Variants in BET1 observed in about 807,000 individuals in gnomAD.
BET1 encodes the protein Bet1 golgi vesicular membrane trafficking protein, also known as BET1 homolog.
In BET1, 9 loss-of-function variants were observed where a neutral mutation model predicts 13.9. The observed-to-expected ratio is 0.65, with a 90% CI of 0.39 to 1.13. BET1 has a LOEUF of 1.13. Among genes scored for constraint, BET1 ranks in the 50% most tolerant of loss-of-function variants. The pLI, the probability that BET1 is intolerant of heterozygous loss-of-function variation, is 0.01. For synonymous variants in BET1, 39 were observed against 47.3 expected, an observed-to-expected ratio of 0.82 and a Z score of 0.72; for missense variants, 127 against 133.6, an observed-to-expected ratio of 0.95 and a Z score of 0.24.
In BET1 at chr7:93,968,855, T is replaced by C. The variant is rs573614700; in HGVS notation, c.*138-3168A>G. On this transcript the variant is annotated intron_variant and NMD_transcript_variant, in intron 6 of 6. Transcript: ENST00000357520. The stretch of plus-strand genomic sequence containing the variant: ...AAAGAAGGTGGAGATGAGTACAATA[T>C]AGACAAATGTAATTGAAGAAGTTTT... Among the ~76,000 whole-genome samples the C allele has an allele frequency of 1.9e-4, 29 of 151,916 alleles. No individual in the cohort carries two copies. The South Asian group carries it at 4.8e-3, about 25-fold the overall frequency.
In BET1 at chr7:93,999,190, T is replaced by C. The variant is rs759213626; in HGVS notation, c.124A>G (p.Lys42Glu). ...CTTACAGATTTTATAGCAGTTACTT[T>C]GCTTCTCAGACTTTCAGTGAGCCTC... Reference protein sequence around the residue: ...NERLTESLRSKVTAIKSLSIE... With the variant: ...NERLTESLRSEVTAIKSLSIE... Residue 42 changes from lysine (K) to glutamate (E), a missense_variant, in exon 2 of 4, where the codon AAA becomes GAA. By Grantham distance (56) the Lys-to-Glu change is moderately conservative. Coordinates refer to ENST00000222547, the MANE Select transcript of BET1 (RefSeq NM_005868.6). The C allele has an allele frequency of 1.9e-6, 3 of 1,612,786 alleles. No individual in the cohort carries two copies. The highest frequency in any genetic ancestry group is 1.7e-5 in the Admixed American group (1 of 59,978).
At chr7:93,967,971 T>C (rs1002587370) in intron 6 of BET1, among the ~76,000 whole-genome samples, 1 of 151,852 alleles carries the variant, frequency 6.6e-6, no homozygotes, top group Admixed American at 6.6e-5. Context: ...ATCAATTGTT[T>C]GCTTCATGTG....
chr7:93,998,652 C>G (rs1471179158), intron 2 of BET1, among the ~76,000 whole-genome samples: 1 of 151,698 alleles, frequency 6.6e-6, no homozygotes, highest in African/African-American at 2.4e-5. Flanking sequence ...TGAGCCAAAA[C>G]TGCACCATTG....
chr7:93,965,217 T>C lies in BET1; in HGVS notation c.*608A>G, dbSNP rs546031983. On this transcript the variant is annotated 3_prime_UTR_variant and NMD_transcript_variant, in exon 7 of 7. Transcript: ENST00000357520. ...CTTTGAGGAATTACAGACTTGAAGA[T>C]GAAGATTCTGTAGTGTGTGAAGCAT... The C allele has an allele frequency of 7.2e-5, 11 of 152,202 alleles. No homozygotes were observed. The South Asian group carries it at 2.3e-3, about 32-fold the overall frequency. 9.4% of individuals were successfully genotyped at this position (152,202 alleles called of 1,614,324 possible). A position where few individuals can be genotyped will look rare whatever the true frequency, so the allele number is the denominator to read the frequency against.
chr7:93,995,423 T>C (rs1562807071), intron 3 of BET1, among the ~76,000 whole-genome samples: 1 of 152,244 alleles, frequency 6.6e-6, no homozygotes, highest in Non-Finnish European at 1.5e-5. Context: ...TAGCTCAGTG[T>C]CTATGTGGCT....
intron 4 of BET1, among the ~76,000 whole-genome samples, chr7:93,981,498 G>A (rs1404488990): frequency 6.6e-6 from 1 of 152,108 alleles, no homozygotes; most frequent in African/African-American, 2.4e-5. Flanking sequence ...AAAGCTTATT[G>A]GGAAGTAAAT....
downstream of BET1, among the ~76,000 whole-genome samples, chr7:93,988,990 AAAAT>A (rs1185013759): frequency 8.1e-5 from 12 of 148,160 alleles, no homozygotes; most frequent in Admixed American, 8.1e-4. Context: ...ATAAATATAT[AAAAT>A]ATATATATAT....
intron 6 of BET1, among the ~76,000 whole-genome samples, chr7:93,967,414 T>C (rs1475978349): frequency 6.6e-6 from 1 of 151,818 alleles, no homozygotes; most frequent in Non-Finnish European, 1.5e-5. Flanking sequence ...AAATCCTTAA[T>C]ATAGGGCCAT....
At chr7:93,992,327 A>C, downstream of BET1, 1 of 985,308 alleles carries the variant, frequency 1.0e-6, no homozygotes, top group Non-Finnish European at 1.2e-6. Context: ...TATTTTACAA[A>C]GTACTTTCAT....
downstream of BET1, among the ~76,000 whole-genome samples, chr7:93,990,591 G>A (rs535075679): frequency 3.6e-4 from 55 of 152,110 alleles, no homozygotes; most frequent in African/African-American, 1.2e-3. Flanking sequence ...CAAAATCATC[G>A]ATCTTTGAGA....
intron 2 of BET1, 50 bp downstream of exon 2, chr7:93,999,120 G>T: frequency 7.4e-7 from 1 of 1,344,652 alleles, no homozygotes; most frequent in Non-Finnish European, 1.0e-6. Flanking sequence ...ATAATTATAT[G>T]TATAGAAATA....
At chr7:93,982,207 G>C (rs915730122) in intron 4 of BET1, among the ~76,000 whole-genome samples, 1 of 151,998 alleles carries the variant, frequency 6.6e-6, no homozygotes, top group African/African-American at 2.4e-5. Flanking sequence ...ATGGCACACT[G>C]CTTGAAATAT....
chr7:93,997,497 G>A (rs1795798350), intron 2 of BET1, among the ~76,000 whole-genome samples: 1 of 152,124 alleles, frequency 6.6e-6, no homozygotes, highest in Non-Finnish European at 1.5e-5. Flanking sequence ...CCTTCCAAGT[G>A]TTGTATTTTT....
intron 6 of BET1, chr7:93,968,230 G>A (rs761813829): frequency 5.3e-5 from 8 of 151,640 alleles, no homozygotes; most frequent in Admixed American, 4.0e-4. Context: ...TTGCAATAGC[G>A]TTGGCATTGT....
rs1204781660 is a variant in BET1, at chr7:93,994,364, T to A, written c.223A>T (p.Thr75Ser). 6.2e-7 allele frequency: 1 copy of A among 1,612,562 alleles called. No homozygotes were observed. Among genetic ancestry groups the A allele is most frequent in the South Asian group, 1.1e-5 (1 of 90,574 alleles). The change falls in exon 4 of 4, where the codon ACT (threonine) becomes TCT (serine). Residue 75 changes from threonine to serine, a missense_variant. By Grantham distance (58) the Thr-to-Ser change is moderately conservative. Transcript: ENST00000222547. ...AEMDSQFDSTTGFLGKTMGKL... is the reference protein window; with the variant it reads ...AEMDSQFDSTSGFLGKTMGKL... ...CCCATAGTTTTACCTAGAAATCCAG[T>A]TGTGGAATCAAATTGTGAATCCTAT...
chr7:94,004,060 A>C, intron 1 of BET1, 138 bp downstream of exon 1: 1 of 1,264,860 alleles, frequency 7.9e-7, no homozygotes, highest in Non-Finnish European at 1.1e-6. Context: ...TCCACTCGAC[A>C]TGGACCCCAA....
At chr7:94,004,136 T>C in intron 1 of BET1, 62 bp downstream of exon 1, 1 of 1,612,890 alleles carries the variant, frequency 6.2e-7, no homozygotes, top group Non-Finnish European at 8.5e-7. Context: ...TTCGATTTCC[T>C]CCCGCGCCCC....
chr7:94,004,264 T>G lies in BET1; in HGVS notation c.-48A>C. On this transcript the variant is annotated 5_prime_UTR_variant, in exon 1 of 4. Transcript: ENST00000222547. ...AGGCGGGTGCGGGGCTTTGGGTGAGTAGGAAACAGCTAGGGGCGACCCGGA... is the reference window on the plus strand; with the variant it reads ...AGGCGGGTGCGGGGCTTTGGGTGAGGAGGAAACAGCTAGGGGCGACCCGGA... The G allele has an allele frequency of 1.9e-6, 3 of 1,613,038 alleles. No individual in the cohort carries two copies. The highest frequency in any genetic ancestry group is 2.5e-6 in the Non-Finnish European group (3 of 1,179,662).
chr7:93,992,592 T>G, downstream of BET1: 1 of 985,392 alleles, frequency 1.0e-6, no homozygotes, highest in Non-Finnish European at 1.2e-6. Context: ...ACTCTCCAAT[T>G]GCCTGATGAA....
Sources: allele counts gnomAD v4.1 joint callset (sites outside exome capture counted in the v4.1 genomes callset), GRCh38; gene constraint gnomAD v4.1.1; transcripts MANE v1.5; gene names NCBI Gene and HGNC (gene_info 2026-07-23, HGNC 2026-07-21).